The following AOPEP variants were observed in gnomAD, a reference collection of about 807,000 sequenced individuals.
AOPEP encodes aminopeptidase O.
In AOPEP, 77 loss-of-function variants were observed where a neutral mutation model predicts 98.1. The observed-to-expected ratio is 0.78, with a 90% CI of 0.65 to 0.95. The LOEUF (loss-of-function observed/expected upper bound fraction) is 0.95. Ranked by LOEUF, AOPEP falls within the 40% of genes least tolerant of loss-of-function variation. The pLI is 0.00. For synonymous variants in AOPEP, 346 were observed against 365.3 expected (o/e 0.95, Z 0.60); for missense variants, 1,024 against 1,024.7 (o/e 1.00, Z 0.01).
intron 13 of AOPEP, among the ~76,000 whole-genome samples, chr9:95,024,570 G>A (rs1564538547): frequency 6.6e-6 from 1 of 152,206 alleles, no homozygotes; most frequent in Non-Finnish European, 1.5e-5. Context: ...CCAAGAGCTG[G>A]CAGTAGTTTT....
intron 7 of AOPEP, among the ~76,000 whole-genome samples, chr9:94,954,722 AG>A (rs771121449): frequency 2.6e-5 from 4 of 152,258 alleles, no homozygotes; most frequent in Non-Finnish European, 5.9e-5. Flanking sequence ...ATGGGTGGAA[AG>A]TACAAATATT....
At chr9:94,844,166 ATTC>A (rs1240804633) in intron 5 of AOPEP, among the ~76,000 whole-genome samples, 1 of 151,934 alleles carries the variant, frequency 6.6e-6, no homozygotes, top group Non-Finnish European at 1.5e-5. Context: ...ACTGATTCTT[ATTC>A]TTCAGCCCCA....
chr9:95,126,768 C>T, the AOPEP span: 1 of 623,352 alleles, frequency 1.6e-6, no homozygotes, highest in East Asian at 2.9e-5. Flanking sequence ...CGGTGGTCTC[C>T]CTGGGCAGGG....
chr9:95,056,914 C>A (rs2066875724), intron 13 of AOPEP, among the ~76,000 whole-genome samples: 3 of 152,126 alleles, frequency 2.0e-5, no homozygotes. Flanking sequence ...TTGCAAGTAC[C>A]CACATCACTT....
At chr9:94,933,140 T>A in intron 7 of AOPEP, 1 of 985,858 alleles carries the variant, frequency 1.0e-6, no homozygotes, top group South Asian at 4.7e-5. Context: ...ACTGTTCAGC[T>A]CTCTCCTGTC....
intron 5 of AOPEP, chr9:94,904,737 A>G (rs552064753): frequency 2.0e-5 from 3 of 152,376 alleles, no homozygotes; most frequent in East Asian, 1.9e-4. Context: ...GTATCTTTGT[A>G]GAATTTCTAG....
the AOPEP span, among the ~76,000 whole-genome samples, chr9:95,149,401 T>C: frequency 2.6e-5 from 4 of 152,050 alleles, no homozygotes; most frequent in South Asian, 4.1e-4. Context: ...TGTTTACCTA[T>C]GTAACAAACC....
intron 13 of AOPEP, among the ~76,000 whole-genome samples, chr9:95,024,219 T>G (rs2063672983): frequency 1.3e-5 from 2 of 152,206 alleles, no homozygotes; most frequent in South Asian, 4.1e-4. Context: ...CTTGAGAAGT[T>G]TATTTTAAAT....
At chr9:95,101,818 G>A in the AOPEP span, 1 of 1,614,064 alleles carries the variant, frequency 6.2e-7, no homozygotes, top group Non-Finnish European at 8.5e-7. Flanking sequence ...GAAAGCCAAT[G>A]ATCTCGTGAG....
At chr9:95,064,240 G>A (rs945681230) in intron 14 of AOPEP, among the ~76,000 whole-genome samples, 1 of 152,252 alleles carries the variant, frequency 6.6e-6, no homozygotes, top group Admixed American at 6.5e-5. Flanking sequence ...AGCACGGGCA[G>A]TAGCTGAAGA....
intron 10 of AOPEP, among the ~76,000 whole-genome samples, chr9:94,975,067 A>G (rs1025591801): frequency 6.6e-6 from 1 of 152,086 alleles, no homozygotes; most frequent in African/African-American, 2.4e-5. Flanking sequence ...CCGTCTCTAT[A>G]AAAAATTTCA....
At chr9:94,763,240 A>AGCT in intron 2 of AOPEP, 1 of 260,776 alleles carries the variant, frequency 3.8e-6, no homozygotes, top group Non-Finnish European at 8.4e-6. Context: ...AAAGCTTTCA[A>AGCT]GTATATTTAA....
the AOPEP span, chr9:95,149,945 C>T: frequency 1.2e-6 from 2 of 1,608,794 alleles, no homozygotes; most frequent in Non-Finnish European, 1.7e-6. Flanking sequence ...TCGTTTACAG[C>T]CTCAAAGAAC....
At chr9:95,064,207 C>T (rs2067625193) in intron 14 of AOPEP, among the ~76,000 whole-genome samples, 1 of 152,240 alleles carries the variant, frequency 6.6e-6, no homozygotes, top group African/African-American at 2.4e-5. Flanking sequence ...GAAAAAACGA[C>T]CAGCGTCACA....
At chr9:94,986,205 T>C (rs1343798019) in intron 11 of AOPEP, among the ~76,000 whole-genome samples, 4 of 152,198 alleles carry the variant, frequency 2.6e-5, no homozygotes, top group Non-Finnish European at 5.9e-5. Flanking sequence ...CATGTCCTCA[T>C]GTAGTCTTTG....
chr9:94,792,769 C>T lies in AOPEP; in HGVS notation c.969C>T (p.Cys323=). 6.2e-7 allele frequency: 1 copy of T among 1,605,594 alleles called. No homozygotes were observed. The highest frequency in any genetic ancestry group is 8.5e-7 in the Non-Finnish European group (1 of 1,174,500). The change falls in exon 4 of 17, where the codon TGC becomes TGT. Residue 323 remains cysteine (C), a synonymous_variant. Coordinates refer to ENST00000375315, the MANE Select transcript of AOPEP (RefSeq NM_001193329.3). ...SAKPTQLWEE[C]SSWYYYVTMP... ...TTTTTCTCTTCCTGTTTACAGAGTG[C>T]TCAAGCTGGTATTACTATGTAACTA...
At chr9:95,101,591 T>A in the AOPEP span, 1 of 1,285,906 alleles carries the variant, frequency 7.8e-7, no homozygotes. Flanking sequence ...CAGCTCATTC[T>A]CACAGCCCAG....
chr9:95,043,257 T>C (rs2065512510), intron 13 of AOPEP, among the ~76,000 whole-genome samples: 3 of 150,086 alleles, frequency 2.0e-5, no homozygotes, highest in Non-Finnish European at 3.0e-5. Context: ...CAGATATATA[T>C]ATACATATAT....
intron 11 of AOPEP, among the ~76,000 whole-genome samples, chr9:94,990,448 C>T (rs1455784050): frequency 2.0e-5 from 3 of 152,104 alleles, no homozygotes; most frequent in Non-Finnish European, 4.4e-5. Context: ...AAGAGCAATG[C>T]AAACTCAAAG....
Sources: gnomAD v4.1 joint callset for allele counts (sites outside exome capture counted in the v4.1 genomes callset) on GRCh38, gnomAD v4.1.1 for gene constraint, MANE v1.5 for transcripts, NCBI Gene and HGNC (gene_info 2026-07-23, HGNC 2026-07-21) for gene names.